The following MYEF2 variants were observed in gnomAD, a reference collection of about 807,000 sequenced individuals.
The protein encoded by MYEF2 is myelin gene expression factor 2.
In MYEF2, 37 loss-of-function variants were observed where a neutral mutation model predicts 75.2. The ratio of observed to expected loss-of-function variants is 0.49; its 90% CI spans 0.38 to 0.65. MYEF2 has a LOEUF of 0.65. Among genes scored for constraint, MYEF2 ranks in the 30% least tolerant of loss-of-function variants. The pLI is 0.00. For missense variants in MYEF2, 634 were observed against 771.4 expected (o/e 0.82, Z 2.11); for synonymous variants, 195 against 241.6 (o/e 0.81, Z 1.79).
Position 48,136,836 on chromosome 15 carries a change from G to A in MYEF2, c.*6072C>T. 18 of 1,613,786 alleles carry A rather than the reference G, an allele frequency of 1.1e-5. No individual in the cohort carries two copies. The highest frequency in any genetic ancestry group is 1.5e-5 in the Non-Finnish European group (18 of 1,179,806). On this transcript the variant is annotated 3_prime_UTR_variant, in exon 17 of 17. Transcript: ENST00000324324. ...AGAGAAGTGAACAACAGCCACTGAT[G>A]GGCTGGGAAGATGAAGGTCAACCAT...
rs764092588 is a variant in MYEF2, at chr15:48,137,044, G to A, written c.*5864C>T. ...ATTTCATTTCAATTCAGCAAGTATT[G>A]TGTGCTTTTTATGTAAAAAAGACTG... On this transcript the variant is annotated 3_prime_UTR_variant, in exon 17 of 17. Transcript: ENST00000324324. The A allele has an allele frequency of 7.0e-7, 1 of 1,431,458 alleles. No homozygotes were observed. The highest frequency in any genetic ancestry group is 9.4e-7 in the Non-Finnish European group (1 of 1,067,526). The allele number at this position is 1,431,458 out of a possible 1,614,324, so 88.7% of individuals were successfully genotyped here. A position where few individuals can be genotyped will look rare whatever the true frequency, so the allele number is the denominator to read the frequency against.
At position 48,159,822 on chromosome 15, in the gene MYEF2, T is replaced by C. The variant is rs1186362100; in HGVS notation, c.526-18A>G. The C allele has an allele frequency of 6.3e-7, 1 of 1,599,088 alleles. No individual in the cohort carries two copies. Among genetic ancestry groups the C allele is most frequent in the Admixed American group, 1.8e-5 (1 of 57,000 alleles). On this transcript the variant is annotated intron_variant, in intron 5 of 16. Transcript: ENST00000324324. ...TCAGGATCCTATAACACACATTGAATGTTAAATTCCACTAAATACATCACT... is the reference window on the plus strand; with the variant it reads ...TCAGGATCCTATAACACACATTGAACGTTAAATTCCACTAAATACATCACT...
At chr15:48,169,981 C>G (rs2040267037) in intron 1 of MYEF2, 1 of 152,110 alleles carries the variant, frequency 6.6e-6, no homozygotes, top group Admixed American at 6.6e-5. Flanking sequence ...TGTCATATGC[C>G]AACCATCCAA....
In MYEF2 at chr15:48,165,935, C is replaced by G; in HGVS notation, c.523G>C (p.Glu175Gln). The G allele has an allele frequency of 6.6e-7, 1 of 1,522,446 alleles. No individual in the cohort carries two copies. Among genetic ancestry groups the G allele is most frequent in the African/African-American group, 1.4e-5 (1 of 71,432 alleles). The allele number at this position is 1,522,446 out of a possible 1,614,324, so 94.3% of individuals were successfully genotyped here. The change falls in exon 5 of 17, where the codon GAG becomes CAG. Residue 175 changes from glutamate to glutamine, a missense_variant and splice_region_variant. Physicochemically the swap from Glu to Gln is conservative, Grantham distance 29. Coordinates refer to ENST00000324324, the MANE Select transcript of MYEF2 (RefSeq NM_016132.5). The stretch of plus-strand genomic sequence containing the variant: ...ATTCTAAATATGAGAAATCTTACCT[C>G]TTTAATATTAAGGGGTCTTCCACTA... ...DLSGRPLNIK[E>Q]DPDGENARRA...
intron 1 of MYEF2, among the ~76,000 whole-genome samples, chr15:48,170,722 A>G (rs1387137255): frequency 2.6e-5 from 4 of 152,194 alleles, no homozygotes; most frequent in East Asian, 3.8e-4. Flanking sequence ...CTTCTTGAAC[A>G]CTACTCTTCT....
In MYEF2 at chr15:48,159,666, C is replaced by G. The variant is rs2039860543; in HGVS notation, c.664G>C (p.Val222Leu). The change falls in exon 6 of 17, where the codon GTC (valine) becomes CTC (leucine). Residue 222 changes from valine to leucine, a missense_variant. Physicochemically the swap from Val to Leu is conservative, Grantham distance 32. Transcript: ENST00000324324. ...CTACCGGCCTGCAAATTACTGATGA[C>G]TTCAGGAGGAATGTTTGGATTATTG... ...ILNNPNIPPEVISNLQAGRLG... is the reference protein window; with the variant it reads ...ILNNPNIPPELISNLQAGRLG... 1 of 1,613,634 alleles carries G rather than the reference C, an allele frequency of 6.2e-7. No homozygotes were observed. Among genetic ancestry groups the G allele is most frequent in the Non-Finnish European group, 8.5e-7 (1 of 1,179,728 alleles).
chr15:48,149,506 TTATA>T lies in MYEF2; in HGVS notation c.1379-139_1379-136del. 1.8e-6 allele frequency: 1 copy of T among 556,086 alleles called. No homozygotes were observed. Among genetic ancestry groups the T allele is most frequent in the Non-Finnish European group, 3.0e-6 (1 of 329,104 alleles). 34.4% of individuals were successfully genotyped at this position (556,086 alleles called of 1,614,324 possible). On this transcript the variant is annotated intron_variant, in intron 14 of 16. Coordinates refer to ENST00000324324, the MANE Select transcript of MYEF2 (RefSeq NM_016132.5). This position sits in a 1 kb window ranked among gnomAD's most constrained non-coding sequence, Gnocchi z 4.0. Reference sequence around the variant, plus strand: ...AGAAAGAAGGGGGAAATTAATTTGTTTATATAATTAAATAATATAAAAACATAAA... The same window carrying T: ...AGAAAGAAGGGGGAAATTAATTTGTTTAATTAAATAATATAAAAACATAAA...
In MYEF2 at chr15:48,142,453, G is replaced by C. The variant is rs1049097667; in HGVS notation, c.*455C>G. 9.6e-6 allele frequency: 9 copies of C among 936,674 alleles called. No homozygotes were observed. The East Asian group carries it at 1.6e-4, about 17-fold the overall frequency. The allele number at this position is 936,674 out of a possible 1,614,324, so 58.0% of individuals were successfully genotyped here. ...CAAATTTTAAAAATCTTGAACCTTA[G>C]AATCTAAAACTTACAGTAATTTAAA... is the stretch of plus-strand genomic sequence containing the variant. On this transcript the variant is annotated 3_prime_UTR_variant, in exon 17 of 17. Coordinates refer to ENST00000324324, the MANE Select transcript of MYEF2 (RefSeq NM_016132.5).
At chr15:48,163,074 A>G (rs1346985849) in intron 5 of MYEF2, among the ~76,000 whole-genome samples, 1 of 152,196 alleles carries the variant, frequency 6.6e-6, no homozygotes, top group Non-Finnish European at 1.5e-5. Context: ...GGCCTCTTGC[A>G]TCGAAGTTCC....
chr15:48,171,666 TTA>T (rs2040347355), intron 1 of MYEF2, among the ~76,000 whole-genome samples: 1 of 152,138 alleles, frequency 6.6e-6, no homozygotes, highest in Non-Finnish European at 1.5e-5. Context: ...GATGATCTAA[TTA>T]TTAAGAAACT....
chr15:48,166,187 T>G, intron 3 of MYEF2, 59 bp from the exon 4 acceptor site: 1 of 1,354,658 alleles, frequency 7.4e-7, no homozygotes, highest in Non-Finnish European at 1.0e-6. Flanking sequence ...GATCAGTACA[T>G]GAAGTTAATA....
chr15:48,155,603 C>T (rs1386136465), intron 9 of MYEF2, among the ~76,000 whole-genome samples: 1 of 151,678 alleles, frequency 6.6e-6, no homozygotes, highest in Non-Finnish European at 1.5e-5. Flanking sequence ...ATATGGTAGG[C>T]CATCCATAAG....
rs1450267237 is a variant in MYEF2 at position 48,149,194 on chromosome 15, C to A, written c.1556G>T (p.Gly519Val). The A allele has an allele frequency of 6.2e-7, 1 of 1,613,272 alleles. No homozygotes were observed. The change falls in exon 15 of 17, where the codon GGC (glycine) becomes GTC (valine). Residue 519 changes from glycine to valine, a missense_variant. Physicochemically the swap from Gly to Val is moderately radical, Grantham distance 109. Transcript: ENST00000324324. This position sits in a 1 kb window ranked among gnomAD's most constrained non-coding sequence, Gnocchi z 4.0. ...PMGSGMRERI[G>V]SKGNQIFVRN... ...GACAAATATCTGGTTGCCTTTGGAG[C>A]CTATTCTCTCTCTCATTCCGCTTCC...
chr15:48,177,963 G>A lies in MYEF2; in HGVS notation c.161+114C>T, dbSNP rs895540403. 2.1e-5 allele frequency: 28 copies of A among 1,358,338 alleles called. No individual in the cohort carries two copies. In the African/African-American group the frequency reaches 2.9e-4, roughly 14 times the overall value. The allele number at this position is 1,358,338 out of a possible 1,614,324, so 84.1% of individuals were successfully genotyped here. ...TCCTCAGGAAGCCGATGGCCCGGGG[G>A]CGGGCCGGGGTCTGGGGGTGGTTGT... On this transcript the variant is annotated intron_variant, in intron 1 of 16. Transcript: ENST00000324324.
At chr15:48,166,796 T>C (rs1429916843) in intron 3 of MYEF2, among the ~76,000 whole-genome samples, 1 of 152,028 alleles carries the variant, frequency 6.6e-6, no homozygotes, top group Admixed American at 6.6e-5. Flanking sequence ...GAGTTTTCCA[T>C]TGTATTCTTC....
At position 48,139,124 on chromosome 15, in the gene MYEF2, A is replaced by G. The variant is rs748431719; in HGVS notation, c.*3784T>C. On this transcript the variant is annotated 3_prime_UTR_variant, in exon 17 of 17. Transcript: ENST00000324324. The stretch of plus-strand genomic sequence containing the variant: ...TGTGATAACCTTTTTCATGTCTGCA[A>G]TATGGATATCCGCATTTACATATAT... The G allele has an allele frequency of 1.9e-6, 3 of 1,613,130 alleles. No individual in the cohort carries two copies. The South Asian group carries it at 3.3e-5, about 18-fold the overall frequency.
chr15:48,158,788 A>G lies in MYEF2; in HGVS notation c.852T>C (p.Ile284=). The change falls in exon 7 of 17, where the codon ATT becomes ATC. Residue 284 remains isoleucine, a synonymous_variant. Coordinates refer to ENST00000324324, the MANE Select transcript of MYEF2 (RefSeq NM_016132.5). ...GMGTVTFEQA[I]EAVQAISMFN... is the part of the protein sequence containing the mutation. ...GGATACAAATTGCTTGAACTGCTTC[A>G]ATTGCTTGCTCAAAAGTGACAGTGC... 1.2e-6 allele frequency: 2 copies of G among 1,613,654 alleles called. No homozygotes were observed. Among genetic ancestry groups the G allele is most frequent in the Non-Finnish European group, 1.7e-6 (2 of 1,179,678 alleles).
Position 48,138,891 on chromosome 15 carries a change from T to A in MYEF2, c.*4017A>T, listed in dbSNP as rs528149831. 1.9e-4 allele frequency: 202 copies of A among 1,060,864 alleles called. 2 individuals are homozygous for A. In the South Asian group the frequency reaches 3.0e-3, roughly 16 times the overall value. The allele number at this position is 1,060,864 out of a possible 1,614,324, so 65.7% of individuals were successfully genotyped here. A position where few individuals can be genotyped will look rare whatever the true frequency, so the allele number is the denominator to read the frequency against. On this transcript the variant is annotated 3_prime_UTR_variant, in exon 17 of 17. Transcript: ENST00000324324. ...AACTGATACAGCTAATTTATTTCAATATAACTTTCTAAATAGGCATTTCTA... is the reference window on the plus strand; with the variant it reads ...AACTGATACAGCTAATTTATTTCAAAATAACTTTCTAAATAGGCATTTCTA...
intron 5 of MYEF2, among the ~76,000 whole-genome samples, chr15:48,161,975 A>G (rs1003554017): frequency 6.6e-6 from 1 of 151,544 alleles, no homozygotes; most frequent in Non-Finnish European, 1.5e-5. Context: ...TTTCTGAAGC[A>G]CTGGCCCTGG....
Sources: allele counts gnomAD v4.1 joint callset (sites outside exome capture counted in the v4.1 genomes callset), GRCh38; gene constraint gnomAD v4.1.1; non-coding constraint Gnocchi (gnomAD v3.1); transcripts MANE v1.5; gene names NCBI Gene and HGNC (gene_info 2026-07-23, HGNC 2026-07-21).